The following PRR11 variants were observed in gnomAD, a reference collection of about 807,000 sequenced individuals.
The protein encoded by PRR11 is proline rich 11, also known as proline-rich protein 11.
In PRR11, 30 loss-of-function variants were observed where a neutral mutation model predicts 45.6. That is an observed-to-expected ratio of 0.66 (90% confidence interval 0.49 to 0.89). The LOEUF (loss-of-function observed/expected upper bound fraction) is 0.89, where lower values mean the gene tolerates loss of function less well. Ranked by LOEUF, PRR11 falls within the 40% of genes least tolerant of loss-of-function variation. PRR11 has a pLI of 0.00. For synonymous variants in PRR11, 128 were observed against 153.5 expected (o/e 0.83, Z 1.23); for missense variants, 373 against 424.8 (o/e 0.88, Z 1.07).
In PRR11 at chr17:59,182,821, G is replaced by A. The variant is rs546888981; in HGVS notation, c.129-2233G>A. Among the ~76,000 whole-genome samples, 345 of 152,240 alleles carry A rather than the reference G, an allele frequency of 2.3e-3. 1 individual carries two copies. Among genetic ancestry groups the A allele is most frequent in the Middle Eastern group, 6.8e-3 (2 of 294 alleles). On this transcript the variant is annotated intron_variant, in intron 2 of 9. Coordinates refer to ENST00000262293, the MANE Select transcript of PRR11 (RefSeq NM_018304.4). Reference sequence around the variant, plus strand: ...CCTGAGGTGCTCAGCTGGGGGCTCTGCTCCTCATCCTGGGGGTGCGGTTGA... The same window carrying A: ...CCTGAGGTGCTCAGCTGGGGGCTCTACTCCTCATCCTGGGGGTGCGGTTGA...
At position 59,206,064 on chromosome 17, in the gene PRR11, A is replaced by G. The variant is rs2046916945; in HGVS notation, c.*4433A>G. Reference sequence around the variant, plus strand: ...AGACCTTGTCTCAAAAAAAAAAGAAAGAAAAAGAAAAATGCTTTATGGCCC... The same window carrying G: ...AGACCTTGTCTCAAAAAAAAAAGAAGGAAAAAGAAAAATGCTTTATGGCCC... On this transcript the variant is annotated 3_prime_UTR_variant, in exon 10 of 10. Transcript: ENST00000262293. Among the ~76,000 whole-genome samples, 2 of 151,724 alleles carry G rather than the reference A, an allele frequency of 1.3e-5. No homozygotes were observed. Among genetic ancestry groups the G allele is most frequent in the South Asian group, 4.2e-4 (2 of 4,806 alleles).
At chr17:59,187,593 A>C (rs539322287) in intron 4 of PRR11, among the ~76,000 whole-genome samples, 2 of 151,594 alleles carry the variant, frequency 1.3e-5, no homozygotes, top group South Asian at 4.2e-4. Flanking sequence ...GGCTGAGCGC[A>C]GTGGCTCACG....
At chr17:59,176,684 C>CTTTTTTTTTTTTTT (rs71367676) in intron 2 of PRR11, among the ~76,000 whole-genome samples, 1 of 39,002 alleles carries the variant, frequency 2.6e-5, no homozygotes, top group Non-Finnish European at 4.5e-5. Flanking sequence ...GTTTTTTTGG[C>CTTTTTTTTTTTTTT]TTTTTTTTTT....
chr17:59,174,973 C>A, intron 2 of PRR11: 1 of 813,950 alleles, frequency 1.2e-6, no homozygotes. Context: ...TCCAACTACT[C>A]CAGGGAAACC....
chr17:59,201,547 CTTT>C lies in PRR11; in HGVS notation c.1015-7_1015-5del. On this transcript the variant is annotated splice_polypyrimidine_tract_variant and intron_variant, in intron 9 of 9. Transcript: ENST00000262293. Reference sequence around the variant, plus strand: ...AATATAATTGATATTATAATTGGGACTTTTTTTTTTTATAGCTGGCTCACCCTA... The same window carrying C: ...AATATAATTGATATTATAATTGGGACTTTTTTTTATAGCTGGCTCACCCTA... The C allele has an allele frequency of 8.3e-7, 1 of 1,208,992 alleles. No homozygotes were observed. Among genetic ancestry groups the C allele is most frequent in the Non-Finnish European group, 1.1e-6 (1 of 870,884 alleles). The allele number at this position is 1,208,992 out of a possible 1,614,324, so 74.9% of individuals were successfully genotyped here.
chr17:59,196,875 GAGA>G (rs2046868429), intron 7 of PRR11, among the ~76,000 whole-genome samples: 1 of 150,146 alleles, frequency 6.7e-6, no homozygotes, highest in South Asian at 2.1e-4. Flanking sequence ...TTCTTTTTTT[GAGA>G]AGGAGCTCTG....
intron 4 of PRR11, 50 bp from the exon 5 acceptor site, chr17:59,193,442 G>T (rs778422635): frequency 1.0e-5 from 16 of 1,607,448 alleles, no homozygotes; most frequent in Admixed American, 6.7e-5. Flanking sequence ...TCACCCTCAA[G>T]AATCAAATTA....
chr17:59,197,452 C>T (rs1027857483), intron 7 of PRR11, 92 bp from the exon 8 acceptor site: 9 of 1,181,036 alleles, frequency 7.6e-6, no homozygotes, highest in African/African-American at 4.6e-5. Flanking sequence ...AAGGTTTCAC[C>T]GTGTTAGCAA....
intron 1 of PRR11, chr17:59,163,618 C>T (rs2046664668): frequency 6.6e-6 from 1 of 152,194 alleles, no homozygotes; most frequent in African/African-American, 2.4e-5. Context: ...TGCTGAAGCC[C>T]TCTGTCCTGT....
intron 7 of PRR11, 141 bp from the exon 8 acceptor site, chr17:59,197,403 C>G (rs1158260770): frequency 5.4e-6 from 4 of 739,044 alleles, no homozygotes; most frequent in African/African-American, 1.8e-5. Context: ...AGGCGCCCAC[C>G]ACCACACCTG....
At chr17:59,184,331 C>T (rs1460297229) in intron 2 of PRR11, among the ~76,000 whole-genome samples, 4 of 152,060 alleles carry the variant, frequency 2.6e-5, no homozygotes, top group Non-Finnish European at 5.9e-5. Flanking sequence ...GGCATGGTGG[C>T]GGGTGCCTGT....
intron 2 of PRR11, among the ~76,000 whole-genome samples, chr17:59,183,627 A>G (rs191863311): frequency 4.6e-5 from 7 of 152,294 alleles, no homozygotes; most frequent in African/African-American, 7.2e-5. Context: ...CATATTTCCA[A>G]TGGTGTCCCC....
chr17:59,180,519 G>GTTTTTTTTTTTTTTTTTTT lies in PRR11; in HGVS notation c.129-4527_129-4526insTTTTTTTTTTTTTTTTTTT, dbSNP rs71300619. Among the ~76,000 whole-genome samples, 15 of 122,924 alleles carry GTTTTTTTTTTTTTTTTTTT rather than the reference G, an allele frequency of 1.2e-4. 1 individual carries two copies. The highest frequency in any genetic ancestry group is 4.7e-4 in the African/African-American group (13 of 27,886). 80.6% of individuals were successfully genotyped at this position (122,924 alleles called of 152,430 possible). On this transcript the variant is annotated intron_variant, in intron 2 of 9. Coordinates refer to ENST00000262293, the MANE Select transcript of PRR11 (RefSeq NM_018304.4). Reference sequence around the variant, plus strand: ...TTGTTTTTTTTTTTTTGTTTTTTTTGTTTTTTTTGCCACAGGGTCTCAGTC... The same window carrying GTTTTTTTTTTTTTTTTTTT: ...TTGTTTTTTTTTTTTTGTTTTTTTTGTTTTTTTTTTTTTTTTTTTTTTTTTTTGCCACAGGGTCTCAGTC...
chr17:59,196,087 CAAAAA>C (rs57940331), intron 7 of PRR11, among the ~76,000 whole-genome samples: 4 of 71,342 alleles, frequency 5.6e-5, no homozygotes, highest in South Asian at 9.4e-4. Context: ...GACTCCATCT[CAAAAA>C]AAAAAAAAAA....
At position 59,180,509 on chromosome 17, in the gene PRR11, T is replaced by G. The variant is rs574877721; in HGVS notation, c.129-4545T>G. ...GGGCCCGTCCTTGTTTTTTTTTTTT[T>G]GTTTTTTTTGTTTTTTTTGCCACAG... On this transcript the variant is annotated intron_variant, in intron 2 of 9. Coordinates refer to ENST00000262293, the MANE Select transcript of PRR11 (RefSeq NM_018304.4). 5.3e-4 allele frequency among the ~76,000 whole-genome samples: 68 copies of G among 128,148 alleles called. 2 individuals carry two copies. Among genetic ancestry groups the G allele is most frequent in the African/African-American group, 2.0e-3 (67 of 32,954 alleles). 84.1% of individuals were successfully genotyped at this position (128,148 alleles called of 152,430 possible).
At position 59,191,549 on chromosome 17, in the gene PRR11, C is replaced by G. The variant is rs546774025; in HGVS notation, c.403-1943C>G. On this transcript the variant is annotated intron_variant, in intron 4 of 9. Coordinates refer to ENST00000262293, the MANE Select transcript of PRR11 (RefSeq NM_018304.4). ...TTCTTGATTCTCTGGGTAAACCTAC[C>G]TCCAGACCTCTGGATATACCACCTC... Among the ~76,000 whole-genome samples the G allele has an allele frequency of 2.0e-5, 3 of 152,072 alleles. No individual in the cohort carries two copies. In the East Asian group the frequency reaches 5.8e-4, roughly 29 times the overall value.
At chr17:59,200,988 GTGTT>G (rs937947359) in intron 9 of PRR11, among the ~76,000 whole-genome samples, 7 of 151,604 alleles carry the variant, frequency 4.6e-5, no homozygotes, top group Admixed American at 4.6e-4. Flanking sequence ...GGAACAGAAA[GTGTT>G]TGGTTACACA....
Position 59,185,147 on chromosome 17 carries a change from A to G in PRR11, c.222A>G (p.Lys74=). Residue 74 remains lysine, a synonymous_variant, in exon 3 of 10, where the codon AAA becomes AAG. Coordinates refer to ENST00000262293, the MANE Select transcript of PRR11 (RefSeq NM_018304.4). ...TTCCTAACATCAGAGATGCAATAAA[A>G]CTTTGGACAAATAGAGTATGGTCTA... ...FNFPNIRDAI[K]LWTNRVWSIY... The G allele has an allele frequency of 6.2e-7, 1 of 1,614,032 alleles. No homozygotes were observed. Among genetic ancestry groups the G allele is most frequent in the South Asian group, 1.1e-5 (1 of 91,070 alleles).
At chr17:59,162,245 CACACAGAGAG>C (rs1035243399) in intron 1 of PRR11, among the ~76,000 whole-genome samples, 1 of 147,208 alleles carries the variant, frequency 6.8e-6, no homozygotes, top group African/African-American at 2.7e-5. Flanking sequence ...CACACACACA[CACACAGAGAG>C]AGAGAGAGAG....
Sources: gnomAD v4.1 joint callset for allele counts (sites outside exome capture counted in the v4.1 genomes callset) on GRCh38, gnomAD v4.1.1 for gene constraint, MANE v1.5 for transcripts, NCBI Gene and HGNC (gene_info 2026-07-23, HGNC 2026-07-21) for gene names.